The following XRCC5 variants were observed in gnomAD, a reference collection of about 807,000 sequenced individuals.
The protein encoded by XRCC5 is X-ray repair cross complementing 5.
Under a neutral mutation model 95.7 loss-of-function variants are expected in XRCC5, and 12 were observed. The observed-to-expected ratio is 0.13, with a 90% CI of 0.08 to 0.20. The LOEUF is 0.20. Ranked by LOEUF, XRCC5 falls within the 10% of genes least tolerant of loss-of-function variation. The pLI is 1.00. For synonymous variants in XRCC5, 281 were observed against 290.3 expected, an observed-to-expected ratio of 0.97 and a Z score of 0.33; for missense variants, 595 against 873.9, an observed-to-expected ratio of 0.68 and a Z score of 4.02.
chr2:216,140,700 A>G (rs1697157660), intron 12 of XRCC5, among the ~76,000 whole-genome samples: 1 of 152,220 alleles, frequency 6.6e-6, no homozygotes, highest in South Asian at 2.1e-4. Context: ...ACCCTGATCC[A>G]ATGGTGTCTT....
chr2:216,159,105 T>C (rs1688900841), intron 14 of XRCC5, among the ~76,000 whole-genome samples: 1 of 152,206 alleles, frequency 6.6e-6, no homozygotes, highest in Non-Finnish European at 1.5e-5. Context: ...AAACATTTTG[T>C]ACATGATAAT....
intron 6 of XRCC5, 28 bp from the exon 7 acceptor site, chr2:216,125,889 C>T (rs1196625423): frequency 6.4e-7 from 1 of 1,574,390 alleles, no homozygotes; most frequent in Non-Finnish European, 8.7e-7. Context: ...AAAATTGTTG[C>T]TTTCATTTTA....
chr2:216,122,747 TTGAG>T (rs1696832898), intron 6 of XRCC5, among the ~76,000 whole-genome samples: 1 of 150,844 alleles, frequency 6.6e-6, no homozygotes, highest in Non-Finnish European at 1.5e-5. Flanking sequence ...AGCAGTTTGA[TTGAG>T]TGAAAAAAAA....
At chr2:216,168,224 T>C (rs1243668631) in intron 16 of XRCC5, among the ~76,000 whole-genome samples, 1 of 152,238 alleles carries the variant, frequency 6.6e-6, no homozygotes, top group Non-Finnish European at 1.5e-5. Context: ...GGATGACTTT[T>C]CACAGATAAT....
At chr2:216,116,936 T>C in intron 3 of XRCC5, 94 bp downstream of exon 3, 7 of 1,387,848 alleles carry the variant, frequency 5.0e-6, no homozygotes, top group Non-Finnish European at 6.0e-6. Context: ...GTTTCAGCTA[T>C]GAGTATATGG....
At chr2:216,141,938 G>T (rs1263313247) in intron 13 of XRCC5, among the ~76,000 whole-genome samples, 1 of 152,014 alleles carries the variant, frequency 6.6e-6, no homozygotes, top group African/African-American at 2.4e-5. Flanking sequence ...CCTGTAATCC[G>T]AGCTTCTCAG....
chr2:216,125,863 C>A, intron 6 of XRCC5, 54 bp from the exon 7 acceptor site: 2 of 1,399,750 alleles, frequency 1.4e-6, no homozygotes, highest in Non-Finnish European at 1.0e-6. Flanking sequence ...CATCATCCAG[C>A]ACAAGTTAAC....
At chr2:216,133,743 A>G (rs1574459409) in intron 10 of XRCC5, among the ~76,000 whole-genome samples, 1 of 152,300 alleles carries the variant, frequency 6.6e-6, no homozygotes, top group South Asian at 2.1e-4. Context: ...GCAAAGGGAT[A>G]CTCTCTAGTG....
intron 19 of XRCC5, among the ~76,000 whole-genome samples, chr2:216,199,520 T>C (rs1689794430): frequency 6.6e-6 from 1 of 152,240 alleles, no homozygotes; most frequent in Non-Finnish European, 1.5e-5. Context: ...TGTTCATTTT[T>C]ATTATCATTA....
chr2:216,112,549 T>C (rs1574448081), intron 1 of XRCC5, among the ~76,000 whole-genome samples: 1 of 152,248 alleles, frequency 6.6e-6, no homozygotes, highest in East Asian at 1.9e-4. Context: ...TATATATAGA[T>C]TCTAGCAGTC....
chr2:216,173,067 A>G (rs562224639), intron 16 of XRCC5, among the ~76,000 whole-genome samples: 1 of 152,158 alleles, frequency 6.6e-6, no homozygotes, highest in Admixed American at 6.5e-5. Context: ...AAATGAAATT[A>G]TTTATTTATT....
rs1162467886 is a variant in XRCC5, at chr2:216,122,141, T to G, written c.571T>G (p.Ser191Ala). ...CTTTCGCTTAGGTGGCCATGGGCCT[T>G]CCTTTCCACTAAAAGGAATTACCGA... ...GPFRLGGHGP[S>A]FPLKGITEQQ... Residue 191 changes from serine to alanine, a missense_variant, in exon 6 of 21, where the codon TCC becomes GCC. This residue lies in a region of XRCC5 where 286 missense variants were observed against 491.1 expected (regional missense o/e 0.58). Transcript: ENST00000392132. The G allele has an allele frequency of 6.2e-7, 1 of 1,614,076 alleles. No individual in the cohort carries two copies. Among genetic ancestry groups the G allele is most frequent in the African/African-American group, 1.3e-5 (1 of 74,930 alleles).
At chr2:216,199,295 T>G (rs1482305286) in intron 19 of XRCC5, among the ~76,000 whole-genome samples, 1 of 152,234 alleles carries the variant, frequency 6.6e-6, no homozygotes, top group East Asian at 1.9e-4. Flanking sequence ...AAATGAAAAT[T>G]ATAACTTTAC....
intron 19 of XRCC5, among the ~76,000 whole-genome samples, chr2:216,202,979 A>G (rs1689867938): frequency 6.6e-6 from 1 of 152,332 alleles, no homozygotes; most frequent in South Asian, 2.1e-4. Context: ...TTGACTTTTT[A>G]AAGAGACATA....
In XRCC5 at chr2:216,194,775, A is replaced by G. The variant is rs1025802103; in HGVS notation, c.2042-144A>G. ...CACTTGAGCCCAGGAGTCTGAGACC[A>G]GCCTGGGCAACATAGTGGGACCCTG... On this transcript the variant is annotated intron_variant, in intron 18 of 20. Coordinates refer to ENST00000392132, the MANE Select transcript of XRCC5 (RefSeq NM_021141.4). 9 of 745,350 alleles carry G rather than the reference A, an allele frequency of 1.2e-5. No individual in the cohort carries two copies. In the African/African-American group the frequency reaches 1.6e-4, roughly 13 times the overall value. 46.2% of individuals were successfully genotyped at this position (745,350 alleles called of 1,614,324 possible).
chr2:216,160,172 CTT>C lies in XRCC5; in HGVS notation c.1764+14_1764+15del, dbSNP rs751677629. ...GGCAGTGTCACCTCTGTAAGCTAAG[CTT>C]TTCAAGTGCGCTTCCCCCTTTGCAG... On this transcript the variant is annotated intron_variant, in intron 15 of 20. Coordinates refer to ENST00000392132, the MANE Select transcript of XRCC5 (RefSeq NM_021141.4). 1,490 of 1,579,070 alleles carry C rather than the reference CTT, an allele frequency of 9.4e-4. 1 individual carries two copies. Among genetic ancestry groups the C allele is most frequent in the Middle Eastern group, 1.2e-3 (7 of 5,950 alleles).
chr2:216,187,466 CTGTG>C (rs140171958), intron 16 of XRCC5, among the ~76,000 whole-genome samples: 12,832 of 110,448 alleles, frequency 0.12, 759 homozygotes, highest in Middle Eastern at 0.19. Context: ...AAGATAGCAA[CTGTG>C]TGTGTGTGTG....
At chr2:216,203,848 C>CTTTT (rs56250537) in intron 19 of XRCC5, among the ~76,000 whole-genome samples, 2,277 of 118,654 alleles carry the variant, frequency 0.019, 95 homozygotes, top group Middle Eastern at 0.035. Context: ...TTATTCTAAG[C>CTTTT]TTTTTTTTTT....
chr2:216,153,626 T>G (rs1007664920), intron 14 of XRCC5, among the ~76,000 whole-genome samples: 5 of 152,218 alleles, frequency 3.3e-5, no homozygotes, highest in Non-Finnish European at 5.9e-5. Context: ...ATTCTTCTGT[T>G]GACCCCCAAC....
Sources: allele counts gnomAD v4.1 joint callset (sites outside exome capture counted in the v4.1 genomes callset), GRCh38; gene constraint gnomAD v4.1.1; regional missense constraint gnomAD v4.1.1; transcripts MANE v1.5; gene names NCBI Gene and HGNC (gene_info 2026-07-23, HGNC 2026-07-21).